PDLIM2: variants seen among roughly 807,000 people sequenced by gnomAD.
PDLIM2 encodes the protein PDZ and LIM domain 2, also known as PDZ and LIM domain protein 2.
In PDLIM2, 51 loss-of-function variants were observed where a neutral mutation model predicts 54.1. The ratio of observed to expected loss-of-function variants is 0.94; its 90% CI spans 0.75 to 1.19. The LOEUF is 1.19. PDLIM2 is among the 50% of genes most tolerant of loss of function. The probability of loss-of-function intolerance (pLI) is 0.00; values close to 1 mark genes in which losing one functional copy is unlikely to be tolerated. For synonymous variants in PDLIM2, 398 were observed against 385.6 expected (o/e 1.03, Z -0.38); for missense variants, 912 against 874.0 (o/e 1.04, Z -0.55).
At chr8:22,590,501 T>C (rs566978541) in intron 8 of PDLIM2, 1 of 152,306 alleles carries the variant, frequency 6.6e-6, no homozygotes, top group East Asian at 1.9e-4. Context: ...AGCGCTGCTG[T>C]GGGAGTTACT....
At chr8:22,591,855 G>A (rs1369997504) in intron 9 of PDLIM2, 187 bp downstream of exon 8, 1 of 527,870 alleles carries the variant, frequency 1.9e-6, no homozygotes, top group African/African-American at 2.0e-5. Context: ...TAGGAGCCTA[G>A]GCTAGCTGCT....
chr8:22,594,193 G>A (rs1210975519), exon 10 of PDLIM2: 4 of 1,403,552 alleles, frequency 2.8e-6, no homozygotes, highest in African/African-American at 1.4e-5. Context: ...AAGTAGGGTC[G>A]AACACAGAAG....
chr8:22,580,790 G>A, intron 2 of PDLIM2, 93 bp downstream of exon 1: 1 of 1,358,898 alleles, frequency 7.4e-7, no homozygotes, highest in Non-Finnish European at 1.0e-6. Context: ...TGCTTTTTCT[G>A]TTCTGGAGCT....
At chr8:22,582,961 T>C (rs1383522871) in intron 3 of PDLIM2, among the ~76,000 whole-genome samples, 1 of 105,996 alleles carries the variant, frequency 9.4e-6, no homozygotes, top group African/African-American at 3.7e-5. Flanking sequence ...GTGACCTCTC[T>C]GGTATTCAGA....
chr8:22,589,272 C>G (rs1800463843), intron 6 of PDLIM2, 26 bp from the exon 6 acceptor site: 1 of 1,533,292 alleles, frequency 6.5e-7, no homozygotes, highest in Non-Finnish European at 8.7e-7. Flanking sequence ...GGCCCTGACT[C>G]CTCCCCGGCT....
At chr8:22,597,056 T>C (rs560702122), downstream of PDLIM2, 7 of 152,338 alleles carry the variant, frequency 4.6e-5, no homozygotes, top group African/African-American at 1.7e-4. Context: ...CAGCGCTCTG[T>C]AGGCTCTCAG....
intron 8 of PDLIM2, chr8:22,590,102 C>T (rs1252390363): frequency 7.4e-6 from 2 of 269,490 alleles, no homozygotes; most frequent in Non-Finnish European, 1.4e-5. Context: ...AACATCAAGA[C>T]TTAAACAGCA....
rs990598483 is a variant in PDLIM2 at position 22,579,259 on chromosome 8, C to G, written c.480C>G (p.Pro160=). 101 of 1,356,692 alleles carry G rather than the reference C, an allele frequency of 7.4e-5. 5 individuals carry two copies. Among genetic ancestry groups the G allele is most frequent in the African/African-American group, 1.5e-5 (1 of 65,108 alleles). 84.0% of individuals were successfully genotyped at this position (1,356,692 alleles called of 1,614,324 possible). Residue 160 remains proline (P), a synonymous_variant, in exon 1 of 10, where the codon CCC becomes CCG. Transcript: ENST00000308354. Reference sequence around the variant, plus strand: ...CCCACCTGCGCCTCTCCGCGCGGCCCGCCCTCCCCGGCGCCGGGCTCCTCT... The same window carrying G: ...CCCACCTGCGCCTCTCCGCGCGGCCGGCCCTCCCCGGCGCCGGGCTCCTCT...
chr8:22,590,569 G>A (rs1800514207), intron 8 of PDLIM2: 1 of 152,386 alleles, frequency 6.6e-6, no homozygotes, highest in African/African-American at 2.4e-5. Flanking sequence ...GAACAGTGGG[G>A]AGAAGGGGAG....
intron 6 of PDLIM2, among the ~76,000 whole-genome samples, chr8:22,586,727 C>T (rs189988701): frequency 1.6e-4 from 25 of 152,296 alleles, no homozygotes; most frequent in Middle Eastern, 3.4e-3. Context: ...GCAGGACCCA[C>T]GTGCTCAAGG....
chr8:22,584,943 A>G, intron 4 of PDLIM2, 53 bp downstream of exon 3: 1 of 1,613,896 alleles, frequency 6.2e-7, no homozygotes, highest in Non-Finnish European at 8.5e-7. Flanking sequence ...CTGGTGCATG[A>G]AAGTGAGGCC....
At chr8:22,583,540 C>T (rs973390459) in intron 3 of PDLIM2, among the ~76,000 whole-genome samples, 1 of 152,086 alleles carries the variant, frequency 6.6e-6, no homozygotes, top group Non-Finnish European at 1.5e-5. Flanking sequence ...CCGAGTCGGG[C>T]GGATCACCTG....
rs1021704526 is a variant in PDLIM2, at chr8:22,585,303, T to G, written c.1212-18T>G. 2 of 1,612,744 alleles carry G rather than the reference T, an allele frequency of 1.2e-6. No individual in the cohort carries two copies. Among genetic ancestry groups the G allele is most frequent in the Admixed American group, 1.7e-5 (1 of 59,992 alleles). On this transcript the variant is annotated intron_variant, in intron 5 of 9. Transcript: ENST00000308354. ...CTGGGGGTGGCCCTGGCACACACTG[T>G]CCCTTTCCCACTTTCAGCTTCCAGA...
Position 22,578,960 on chromosome 8 carries a change from G to A in PDLIM2, c.181G>A (p.Gly61Arg), listed in dbSNP as rs943136548. ...ACCGGCTGGACGGTCGCAGCCTGCAGGGGGCCCTGGGGACAGCCTGCCTCA... is the reference window on the plus strand; with the variant it reads ...ACCGGCTGGACGGTCGCAGCCTGCAAGGGGCCCTGGGGACAGCCTGCCTCA... Residue 61 changes from glycine to arginine, a missense_variant, in exon 1 of 10, where the codon GGG (glycine) becomes AGG (arginine). Physicochemically the swap from Gly to Arg is moderately radical, Grantham distance 125. Transcript: ENST00000308354. 2.4e-6 allele frequency: 3 copies of A among 1,239,866 alleles called. No individual in the cohort carries two copies. In the Admixed American group the frequency reaches 1.3e-4, roughly 52 times the overall value. 76.8% of individuals were successfully genotyped at this position (1,239,866 alleles called of 1,614,324 possible).
intron 8 of PDLIM2, chr8:22,591,319 C>T: frequency 1.7e-6 from 1 of 581,942 alleles, no homozygotes; most frequent in Non-Finnish European, 3.1e-6. Flanking sequence ...CAGATGGCCC[C>T]AGGTGGCCTT....
At chr8:22,579,482 C>T (rs964351514) in exon 1 of PDLIM2, 6 of 1,512,562 alleles carry the variant, frequency 4.0e-6, no homozygotes, top group Non-Finnish European at 5.3e-6. Context: ...GGGCTGGGCA[C>T]CTCCCCGCGG....
chr8:22,584,987 C>T (rs1325428847), intron 4 of PDLIM2, 30 bp from the exon 4 acceptor site: 2 of 1,613,242 alleles, frequency 1.2e-6, no homozygotes, highest in Non-Finnish European at 1.7e-6. Flanking sequence ...GGCAGCCCTG[C>T]CTTTCCTGAC....
At chr8:22,580,825 C>G in intron 2 of PDLIM2, 128 bp downstream of exon 1, 1 of 1,083,640 alleles carries the variant, frequency 9.2e-7, no homozygotes, top group Non-Finnish European at 1.4e-6. Flanking sequence ...GCCTGGCGTG[C>G]TGGCTGTAAG....
chr8:22,584,006 T>C (rs1800292534), intron 3 of PDLIM2, among the ~76,000 whole-genome samples: 1 of 151,928 alleles, frequency 6.6e-6, no homozygotes, highest in Non-Finnish European at 1.5e-5. Context: ...GTTTTGCTGT[T>C]GTTACTGTCG....
Sources: allele counts gnomAD v4.1 joint callset (sites outside exome capture counted in the v4.1 genomes callset), GRCh38; gene constraint gnomAD v4.1.1; transcripts MANE v1.5; gene names NCBI Gene and HGNC (gene_info 2026-07-23, HGNC 2026-07-21).